The following TTLL8 variants were observed in gnomAD, a reference collection of about 807,000 sequenced individuals.
The protein encoded by TTLL8 is protein monoglycylase TTLL8.
In TTLL8, 65 loss-of-function variants were observed where a neutral mutation model predicts 77.8. The observed-to-expected ratio is 0.84, with a 90% CI of 0.68 to 1.03. The LOEUF (loss-of-function observed/expected upper bound fraction) is 1.03. Among genes scored for constraint, TTLL8 ranks in the 50% least tolerant of loss-of-function variants. The pLI, the probability that TTLL8 is intolerant of heterozygous loss-of-function variation, is 0.00. For synonymous variants in TTLL8, 402 were observed against 422.8 expected, an observed-to-expected ratio of 0.95 and a Z score of 0.60; for missense variants, 910 against 1,004.5, an observed-to-expected ratio of 0.91 and a Z score of 1.27.
intron 1 of TTLL8, among the ~76,000 whole-genome samples, chr22:50,052,405 G>T (rs991938471): frequency 6.6e-6 from 1 of 152,228 alleles, no homozygotes; most frequent in Non-Finnish European, 1.5e-5. Flanking sequence ...CAACAGGTAA[G>T]AGAGGGGAAA....
Position 50,034,849 on chromosome 22 carries a change from C to G in TTLL8, c.922-387G>C. 6.6e-6 allele frequency among the ~76,000 whole-genome samples: 1 copy of G among 152,178 alleles called. No homozygotes were observed. Among genetic ancestry groups the G allele is most frequent in the East Asian group, 1.9e-4 (1 of 5,182 alleles). ...CGTGGGAGACACAGGCGGGGGCAGA[C>G]GCAGCCATGCCCAGCTTCCGCCTGT... is the stretch of plus-strand genomic sequence containing the variant. On this transcript the variant is annotated intron_variant, in intron 8 of 13. Coordinates refer to ENST00000266182, the Ensembl canonical transcript of TTLL8. The surrounding 1 kb of genome is among the most constrained non-coding windows in gnomAD (Gnocchi z 4.1).
At chr22:50,029,229 G>A (rs113159629) in intron 12 of TTLL8, among the ~76,000 whole-genome samples, 6 of 19,998 alleles carry the variant, frequency 3.0e-4, no homozygotes, top group Admixed American at 6.8e-4. Flanking sequence ...ACACCGTCCT[G>A]AAGACCCCAC....
At chr22:50,055,655 CAA>C (rs144375344), upstream of TTLL8, among the ~76,000 whole-genome samples, 57,634 of 110,136 alleles carry the variant, frequency 0.52, 13,246 homozygotes, top group African/African-American at 0.68. Flanking sequence ...AACTCTGTCT[CAA>C]AAAAAAAAAA....
At chr22:50,022,820 C>T (rs1338551079) in intron 12 of TTLL8, among the ~76,000 whole-genome samples, 1 of 152,378 alleles carries the variant, frequency 6.6e-6, no homozygotes, top group South Asian at 2.1e-4. Flanking sequence ...GGTGATGTGA[C>T]TTTGTCGAAA....
At position 50,041,783 on chromosome 22, in the gene TTLL8, A is replaced by G. The variant is rs549798324; in HGVS notation, c.668T>C (p.Leu223Pro). The G allele has an allele frequency of 7.3e-7, 1 of 1,363,254 alleles. No homozygotes were observed. The highest frequency in any genetic ancestry group is 4.6e-5 in the East Asian group (1 of 21,910). 84.4% of individuals were successfully genotyped at this position (1,363,254 alleles called of 1,614,324 possible). Residue 223 changes from leucine (L) to proline (P), a missense_variant, in exon 7 of 14, where the codon CTC (leucine) becomes CCC (proline). Leu to Pro is a moderately conservative substitution (Grantham distance 98). Transcript: ENST00000266182. This position sits in a 1 kb window ranked among gnomAD's most constrained non-coding sequence, Gnocchi z 4.3. ...CACAAGCTGCCCCGGGAGGCCCCTG[A>G]GCTTTGCCTCAGCATTTTCAGCATC... is the stretch of plus-strand genomic sequence containing the variant.
rs1443315093 is a variant in TTLL8 at position 50,034,902 on chromosome 22, G to C, written c.922-440C>G. On this transcript the variant is annotated intron_variant, in intron 8 of 13. Transcript: ENST00000266182. The surrounding 1 kb of genome is among the most constrained non-coding windows in gnomAD (Gnocchi z 4.1). ...TTGGTGGTGCCTGGGACCGACCCCT[G>C]GTAGGAAAGTGGCCGGCCCGTGCAG... 6.6e-6 allele frequency among the ~76,000 whole-genome samples: 1 copy of C among 152,202 alleles called. No individual in the cohort carries two copies. Among genetic ancestry groups the C allele is most frequent in the Non-Finnish European group, 1.5e-5 (1 of 68,038 alleles).
At chr22:50,031,202 G>A (rs2061289107) in intron 11 of TTLL8, among the ~76,000 whole-genome samples, 2 of 152,204 alleles carry the variant, frequency 1.3e-5, no homozygotes, top group South Asian at 2.1e-4. Context: ...CCACAGAGAG[G>A]CCGCAAGAGA....
intron 12 of TTLL8, among the ~76,000 whole-genome samples, chr22:50,021,881 TC>T (rs2061203531): frequency 3.0e-5 from 2 of 66,032 alleles, no homozygotes; most frequent in African/African-American, 6.5e-5. Context: ...GACATGCACT[TC>T]TCCATCTGAC....
intron 11 of TTLL8, among the ~76,000 whole-genome samples, chr22:50,031,269 C>T (rs553895191): frequency 2.0e-5 from 3 of 152,166 alleles, no homozygotes; most frequent in Non-Finnish European, 4.4e-5. Context: ...CAGGGAGGCC[C>T]GCGAAAGATC....
At chr22:50,042,849 G>A (rs1045564365) in intron 6 of TTLL8, among the ~76,000 whole-genome samples, 8 of 152,238 alleles carry the variant, frequency 5.3e-5, no homozygotes, top group African/African-American at 1.9e-4. Flanking sequence ...AGACGCTGGC[G>A]AGGATGTGGA....
exon 12 of TTLL8, chr22:50,030,693 G>A (rs748691210): frequency 7.8e-7 from 1 of 1,290,076 alleles, no homozygotes; most frequent in Non-Finnish European, 1.0e-6. Context: ...CAAGGCCAGG[G>A]GGAGCCCCTT....
rs2146676849 is a variant in TTLL8, at chr22:50,042,764, A to C, written c.644-957T>G. 3.9e-5 allele frequency among the ~76,000 whole-genome samples: 6 copies of C among 152,322 alleles called. No individual in the cohort carries two copies. In the South Asian group the frequency reaches 1.2e-3, roughly 32 times the overall value. The stretch of plus-strand genomic sequence containing the variant: ...GGGCAACACAGTGAGACCCTGTCTC[A>C]CAACACAATCACCACAATCATGAGA... On this transcript the variant is annotated intron_variant, in intron 6 of 13. Transcript: ENST00000266182.
intron 11 of TTLL8, among the ~76,000 whole-genome samples, chr22:50,031,449 C>T (rs1298963292): frequency 2.0e-5 from 3 of 152,328 alleles, no homozygotes; most frequent in East Asian, 1.9e-4. Flanking sequence ...GGGGCCGCTC[C>T]GCCCGCACGC....
chr22:50,051,914 T>C (rs2061445247), intron 1 of TTLL8, among the ~76,000 whole-genome samples: 2 of 152,228 alleles, frequency 1.3e-5, no homozygotes, highest in African/African-American at 4.8e-5. Flanking sequence ...AACTGTGCTC[T>C]GGCAGGAAGA....
intron 8 of TTLL8, among the ~76,000 whole-genome samples, chr22:50,040,025 C>T (rs36090781): frequency 4.9e-5 from 7 of 141,958 alleles, no homozygotes; most frequent in South Asian, 2.3e-4. Flanking sequence ...CCAGCGTGGA[C>T]GGACCTCACA....
chr22:50,050,229 T>C, exon 2 of TTLL8: 1 of 1,338,788 alleles, frequency 7.5e-7, no homozygotes, highest in Non-Finnish European at 9.9e-7. Flanking sequence ...TGTCCGTAGA[T>C]AGAGAAAATC....
chr22:50,049,176 G>A (rs1030683164), intron 3 of TTLL8, 73 bp downstream of exon 5: 5 of 1,360,500 alleles, frequency 3.7e-6, no homozygotes, highest in South Asian at 1.1e-5. Flanking sequence ...GGGAGAGTGG[G>A]CACGGAGCAG....
At chr22:50,057,587 G>GGGGTC (rs2061487682), upstream of TTLL8, among the ~76,000 whole-genome samples, 243 of 47,364 alleles carry the variant, frequency 5.1e-3, 55 homozygotes, top group East Asian at 0.13. Context: ...GGTCTGGGTT[G>GGGGTC]AGGGTCAGGT....
rs115010695 is a variant in TTLL8, at chr22:50,022,719, T to A, written c.2204-6157A>T. On this transcript the variant is annotated intron_variant, in intron 12 of 13. Transcript: ENST00000266182. ...TAAGAAACTCCTGCCCACTCTTAAC[T>A]CTGCAGGTCCATGTAGGTGTGGAGC... Among the ~76,000 whole-genome samples the A allele has an allele frequency of 3.9e-3, 599 of 152,358 alleles. 6 individuals carry two copies. Among genetic ancestry groups the A allele is most frequent in the African/African-American group, 0.014 (568 of 41,588 alleles).
Sources: allele counts gnomAD v4.1 joint callset (sites outside exome capture counted in the v4.1 genomes callset), GRCh38; gene constraint gnomAD v4.1.1; non-coding constraint Gnocchi (gnomAD v3.1); transcripts MANE v1.5; gene names NCBI Gene and HGNC (gene_info 2026-07-23, HGNC 2026-07-21).